PSKH1: variants seen among roughly 807,000 people sequenced by gnomAD.
PSKH1 encodes the protein protein serine kinase H1.
PSKH1 carries 12 observed loss-of-function variants against 26.7 expected under a neutral mutation model. The observed-to-expected ratio is 0.45, with a 90% CI of 0.29 to 0.73. The LOEUF (loss-of-function observed/expected upper bound fraction) is 0.73. Ranked by LOEUF, PSKH1 falls within the 30% of genes least tolerant of loss-of-function variation. The pLI, the probability that PSKH1 is intolerant of heterozygous loss-of-function variation, is 0.11. For missense variants in PSKH1, 431 were observed against 595.2 expected, an observed-to-expected ratio of 0.72 and a Z score of 2.87; for synonymous variants, 213 against 234.3, an observed-to-expected ratio of 0.91 and a Z score of 0.83.
chr16:67,893,267 C>T lies in PSKH1; in HGVS notation c.-175C>T. 1 of 161,042 alleles carries T rather than the reference C, an allele frequency of 6.2e-6. No individual in the cohort carries two copies. The highest frequency in any genetic ancestry group is 1.3e-5 in the Non-Finnish European group (1 of 75,878). 10.0% of individuals were successfully genotyped at this position (161,042 alleles called of 1,614,324 possible). A position where few individuals can be genotyped will look rare whatever the true frequency, so the allele number is the denominator to read the frequency against. Reference sequence around the variant, plus strand: ...CGCTGTGATGACGCCACGACGCTAACGCCCGAGAATGGCGGCGGCGGCGGC... The same window carrying T: ...CGCTGTGATGACGCCACGACGCTAATGCCCGAGAATGGCGGCGGCGGCGGC... On this transcript the variant is annotated 5_prime_UTR_variant, in exon 1 of 3. In the 5' UTR this introduces an upstream ATG that the reference lacks. Coordinates refer to ENST00000291041, the MANE Select transcript of PSKH1 (RefSeq NM_006742.3).
chr16:67,897,712 G>A (rs2151309839), intron 1 of PSKH1, among the ~76,000 whole-genome samples: 1 of 152,250 alleles, frequency 6.6e-6, no homozygotes, highest in South Asian at 2.1e-4. Context: ...ATGATGGCGA[G>A]GTCTCACTCT....
intron 1 of PSKH1, among the ~76,000 whole-genome samples, chr16:67,906,613 C>A (rs898522084): frequency 6.6e-6 from 1 of 152,140 alleles, no homozygotes; most frequent in African/African-American, 2.4e-5. Context: ...GATCCGCCCA[C>A]CTCGGCCTCC....
chr16:67,902,223 G>A (rs1598186791), intron 1 of PSKH1, among the ~76,000 whole-genome samples: 1 of 151,358 alleles, frequency 6.6e-6, no homozygotes, highest in East Asian at 2.0e-4. Context: ...TCGTGCCACT[G>A]CACGCCAACT....
chr16:67,902,380 A>C (rs902365092), intron 1 of PSKH1, among the ~76,000 whole-genome samples: 1 of 151,798 alleles, frequency 6.6e-6, no homozygotes, highest in Non-Finnish European at 1.5e-5. Context: ...GGCTCACTGC[A>C]GCCTCCCTGG....
intron 1 of PSKH1, among the ~76,000 whole-genome samples, chr16:67,898,144 C>G (rs1273146669): frequency 6.6e-6 from 1 of 151,988 alleles, no homozygotes; most frequent in Non-Finnish European, 1.5e-5. Flanking sequence ...GCCACCGCGC[C>G]CAGCCACACC....
At position 67,901,138 on chromosome 16, in the gene PSKH1, T is replaced by C. The variant is rs562673041; in HGVS notation, c.-70-7542T>C. Among the ~76,000 whole-genome samples, 106 of 152,114 alleles carry C rather than the reference T, an allele frequency of 7.0e-4. 1 individual carries two copies. The highest frequency in any genetic ancestry group is 4.6e-3 in the Admixed American group (71 of 15,270). On this transcript the variant is annotated intron_variant, in intron 1 of 2. Coordinates refer to ENST00000291041, the MANE Select transcript of PSKH1 (RefSeq NM_006742.3). ...TCTCTTCTCTACTTTCTTTTTTTTT[T>C]CCCCTCTCTTGGCCAATTTGGTCTA... is the stretch of plus-strand genomic sequence containing the variant.
chr16:67,921,196 T>C (rs898883089), intron 2 of PSKH1, among the ~76,000 whole-genome samples: 1 of 151,916 alleles, frequency 6.6e-6, no homozygotes, highest in Non-Finnish European at 1.5e-5. Context: ...GAGAATTGCT[T>C]GAACCCAGGA....
At chr16:67,903,323 A>C (rs2151310985) in intron 1 of PSKH1, among the ~76,000 whole-genome samples, 1 of 152,176 alleles carries the variant, frequency 6.6e-6, no homozygotes, top group African/African-American at 2.4e-5. Flanking sequence ...CTCAATTTAA[A>C]AAATGTTTGG....
At chr16:67,904,690 C>A (rs1346526853) in intron 1 of PSKH1, among the ~76,000 whole-genome samples, 1 of 152,050 alleles carries the variant, frequency 6.6e-6, no homozygotes, top group Non-Finnish European at 1.5e-5. Context: ...CTGTGTTGTC[C>A]AGGCTAGTCT....
In PSKH1 at chr16:67,928,305, C is replaced by A. The variant is rs2151316053; in HGVS notation, c.*663C>A. 1 of 152,990 alleles carries A rather than the reference C, an allele frequency of 6.5e-6. No homozygotes were observed. Among genetic ancestry groups the A allele is most frequent in the East Asian group, 1.9e-4 (1 of 5,170 alleles). The allele number at this position is 152,990 out of a possible 1,614,324, so 9.5% of individuals were successfully genotyped here. ...GGCCATGGCGTGGACCTTCACCCTT[C>A]TGGACTGTGTGGCCATGCTGGTCAT... is the stretch of plus-strand genomic sequence containing the variant. On this transcript the variant is annotated 3_prime_UTR_variant, in exon 3 of 3. Transcript: ENST00000291041. The surrounding 1 kb of genome is among the most constrained non-coding windows in gnomAD (Gnocchi z 4.8).
rs529136381 is a variant in PSKH1, at chr16:67,910,085, C to T, written c.957+379C>T. On this transcript the variant is annotated intron_variant, in intron 2 of 2. Transcript: ENST00000291041. ...TAGTTGTACCACCAAAGAGCAGGAA[C>T]GTGAGTTTCTTTTTGTTTTGTTTTT... is the stretch of plus-strand genomic sequence containing the variant. 2.1e-5 allele frequency: 9 copies of T among 421,596 alleles called. No individual in the cohort carries two copies. In the Admixed American group the frequency reaches 2.3e-4, roughly 11 times the overall value. The allele number at this position is 421,596 out of a possible 1,614,324, so 26.1% of individuals were successfully genotyped here. A position where few individuals can be genotyped will look rare whatever the true frequency, so the allele number is the denominator to read the frequency against.
chr16:67,908,107 C>T (rs1322749928), intron 1 of PSKH1, among the ~76,000 whole-genome samples: 1 of 152,128 alleles, frequency 6.6e-6, no homozygotes, highest in African/African-American at 2.4e-5. Context: ...TGTTCCTGCC[C>T]CCTCTCAGGG....
chr16:67,926,449 A>G (rs1371869412), intron 2 of PSKH1, among the ~76,000 whole-genome samples: 1 of 152,232 alleles, frequency 6.6e-6, no homozygotes, highest in African/African-American at 2.4e-5. Flanking sequence ...TAATTGCTGG[A>G]AGCACTGGGG....
Position 67,900,877 on chromosome 16 carries a change from C to T in PSKH1, c.-71+7506C>T, listed in dbSNP as rs72790373. On this transcript the variant is annotated intron_variant, in intron 1 of 2. Coordinates refer to ENST00000291041, the MANE Select transcript of PSKH1 (RefSeq NM_006742.3). ...TGAAGCTTCCTTACTCATCCTTGCC[C>T]ATCCCTACACCTACCGTGATCTCTG... is the stretch of plus-strand genomic sequence containing the variant. Among the ~76,000 whole-genome samples the T allele has an allele frequency of 9.1e-3, 1,386 of 152,224 alleles. 3 individuals carry two copies. The highest frequency in any genetic ancestry group is 0.014 in the Middle Eastern group (4 of 292).
chr16:67,917,833 A>C (rs1225029311), intron 2 of PSKH1, among the ~76,000 whole-genome samples: 1 of 152,170 alleles, frequency 6.6e-6, no homozygotes, highest in South Asian at 2.1e-4. Context: ...AAGAGGGGTA[A>C]ATGCTGAGGA....
At chr16:67,923,087 G>A (rs999401179) in intron 2 of PSKH1, among the ~76,000 whole-genome samples, 4 of 152,216 alleles carry the variant, frequency 2.6e-5, no homozygotes. Flanking sequence ...CCTCAGGCGG[G>A]AGCGGAAAGC....
intron 1 of PSKH1, among the ~76,000 whole-genome samples, chr16:67,904,394 T>C (rs950290414): frequency 1.3e-5 from 2 of 151,746 alleles, no homozygotes; most frequent in African/African-American, 4.9e-5. Context: ...TTGGTAGAGA[T>C]GGGGTTTTAC....
intron 2 of PSKH1, among the ~76,000 whole-genome samples, chr16:67,912,729 G>A (rs1383643763): frequency 2.0e-5 from 3 of 152,248 alleles, no homozygotes; most frequent in South Asian, 2.1e-4. Context: ...TTAGCCGGGC[G>A]TGGTGGCACA....
chr16:67,897,571 C>T (rs1247081178), intron 1 of PSKH1, among the ~76,000 whole-genome samples: 4 of 152,114 alleles, frequency 2.6e-5, no homozygotes, highest in Non-Finnish European at 4.4e-5. Flanking sequence ...ACTATGGCCG[C>T]CTTCTTTTTG....
Sources: allele counts gnomAD v4.1 joint callset (sites outside exome capture counted in the v4.1 genomes callset), GRCh38; gene constraint gnomAD v4.1.1; non-coding constraint Gnocchi (gnomAD v3.1); transcripts MANE v1.5; gene names NCBI Gene and HGNC (gene_info 2026-07-23, HGNC 2026-07-21).